ADRA1B: variants seen among roughly 807,000 people sequenced by gnomAD.
ADRA1B encodes alpha-1B adrenergic receptor.
Under a neutral mutation model 17.9 loss-of-function variants are expected in ADRA1B, and 17 were observed. The ratio of observed to expected loss-of-function variants is 0.95; its 90% CI spans 0.65 to 1.42. The LOEUF is 1.42. Among genes scored for constraint, ADRA1B ranks in the 40% most tolerant of loss-of-function variants. ADRA1B has a pLI of 0.00. For synonymous variants in ADRA1B, 366 were observed against 327.6 expected, an observed-to-expected ratio of 1.12 and a Z score of -1.27; for missense variants, 681 against 722.1, an observed-to-expected ratio of 0.94 and a Z score of 0.65.
intron 1 of ADRA1B, among the ~76,000 whole-genome samples, chr5:159,941,954 G>C (rs561043339): frequency 1.5e-5 from 2 of 134,686 alleles, no homozygotes; most frequent in Non-Finnish European, 3.0e-5. Flanking sequence ...ACAGAGTCTC[G>C]CTCTGTCACC....
At chr5:159,867,912 G>A (rs551879572) in intron 1 of ADRA1B, 14 of 152,192 alleles carry the variant, frequency 9.2e-5, no homozygotes, top group South Asian at 2.1e-4. Context: ...GTGGTCTCAC[G>A]TGTTCTGGAT....
At position 159,903,114 on chromosome 5, in the gene ADRA1B, GGCAGGACCTTACCA is replaced by G. The variant is rs547493189; in HGVS notation, c.-255-13004_-255-12991del. Among the ~76,000 whole-genome samples, 362 of 152,266 alleles carry G rather than the reference GGCAGGACCTTACCA, an allele frequency of 2.4e-3. 2 individuals carry two copies. The highest frequency in any genetic ancestry group is 3.4e-3 in the Admixed American group (52 of 15,300). On this transcript the variant is annotated intron_variant, in intron 1 of 2. Transcript: ENST00000641205. Reference sequence around the variant, plus strand: ...GTCCCCACCTCTGCCTCAACAGCCCGGCAGGACCTTACCATTCTCTAGTTTGGAACCAGCATCCT... The same window carrying G: ...GTCCCCACCTCTGCCTCAACAGCCCGTTCTCTAGTTTGGAACCAGCATCCT...
At chr5:159,872,732 A>G (rs1042573705) in intron 1 of ADRA1B, among the ~76,000 whole-genome samples, 5 of 152,136 alleles carry the variant, frequency 3.3e-5, no homozygotes, top group African/African-American at 1.2e-4. Context: ...TGGCTCTGAA[A>G]TCTGCAATAA....
the ADRA1B span, among the ~76,000 whole-genome samples, chr5:159,982,547 G>A: frequency 2.0e-5 from 3 of 152,092 alleles, no homozygotes; most frequent in Non-Finnish European, 2.9e-5. Context: ...GAAAAGTCAA[G>A]GTAATTAGTC....
the ADRA1B span, among the ~76,000 whole-genome samples, chr5:159,983,234 T>A: frequency 2.0e-5 from 3 of 152,064 alleles, no homozygotes; most frequent in East Asian, 5.8e-4. Flanking sequence ...CCCAACCAGA[T>A]CCCTCTGCTG....
chr5:159,909,423 C>T (rs982456804), intron 1 of ADRA1B, among the ~76,000 whole-genome samples: 1 of 152,186 alleles, frequency 6.6e-6, no homozygotes, highest in African/African-American at 2.4e-5. Context: ...AAAAGGTTCC[C>T]ACCACTTCCT....
intron 1 of ADRA1B, among the ~76,000 whole-genome samples, chr5:159,963,810 G>T (rs1755723102): frequency 6.6e-6 from 1 of 152,128 alleles, no homozygotes. Flanking sequence ...ACCTGCTGGG[G>T]CCATGTCCAG....
intron 1 of ADRA1B, among the ~76,000 whole-genome samples, chr5:159,910,955 T>G (rs547435433): frequency 6.6e-6 from 1 of 152,278 alleles, no homozygotes; most frequent in Non-Finnish European, 1.5e-5. Flanking sequence ...CTTTGATGAC[T>G]TTAGGACGTG....
chr5:159,987,079 C>G, the ADRA1B span, among the ~76,000 whole-genome samples: 1 of 152,216 alleles, frequency 6.6e-6, no homozygotes, highest in African/African-American at 2.4e-5. Context: ...CCACACCCTG[C>G]CCCCAGCGGC....
chr5:159,951,591 G>A (rs1323585568), intron 1 of ADRA1B: 5 of 452,400 alleles, frequency 1.1e-5, no homozygotes, highest in Middle Eastern at 6.8e-4. Context: ...AATTTAGCAC[G>A]GTCTGGATGG....
chr5:159,877,153 C>A (rs1581016886), intron 1 of ADRA1B, among the ~76,000 whole-genome samples: 1 of 152,236 alleles, frequency 6.6e-6, no homozygotes, highest in South Asian at 2.1e-4. Context: ...TTGTTGCCTG[C>A]CCCTTTTCGC....
chr5:159,963,957 G>A (rs548272625), intron 1 of ADRA1B, among the ~76,000 whole-genome samples: 4 of 152,176 alleles, frequency 2.6e-5, no homozygotes, highest in South Asian at 4.1e-4. Flanking sequence ...TCTGTTCCTC[G>A]ATTTATCCCT....
intron 1 of ADRA1B, among the ~76,000 whole-genome samples, chr5:159,899,162 G>GAAAGA (rs1162546603): frequency 2.1e-5 from 3 of 141,584 alleles, no homozygotes; most frequent in African/African-American, 7.9e-5. Flanking sequence ...AAGGAAGGAA[G>GAAAGA]AAAGAAAAGA....
chr5:159,878,961 C>T (rs17057226), intron 1 of ADRA1B, among the ~76,000 whole-genome samples: 2,599 of 152,204 alleles, frequency 0.017, 66 homozygotes, highest in African/African-American at 0.06. Context: ...TTTCTGATGT[C>T]GCTCAAAACC....
chr5:159,902,527 A>G (rs1754114287), intron 1 of ADRA1B, among the ~76,000 whole-genome samples: 1 of 152,064 alleles, frequency 6.6e-6, no homozygotes, highest in Admixed American at 6.5e-5. Flanking sequence ...AAATGAGGTG[A>G]AGTTGAACCT....
In ADRA1B at chr5:159,972,129, G is replaced by A. The variant is rs778237365; in HGVS notation, c.1200G>A (p.Ser400=). The change falls in exon 2 of 2, where the codon TCG becomes TCA. Residue 400 remains serine, a synonymous_variant. Transcript: ENST00000306675. ...PWTRGGSLER[S]QSRKDSLDDS... ...CGCGCGGCGGCTCGCTGGAGCGCTC[G>A]CAGTCGCGCAAGGACTCGCTGGACG... 5.0e-5 allele frequency: 66 copies of A among 1,329,342 alleles called. No individual in the cohort carries two copies. Among genetic ancestry groups the A allele is most frequent in the Admixed American group, 9.4e-5 (3 of 32,008 alleles). 82.3% of individuals were successfully genotyped at this position (1,329,342 alleles called of 1,614,324 possible). A position where few individuals can be genotyped will look rare whatever the true frequency, so the allele number is the denominator to read the frequency against.
chr5:159,961,871 C>A (rs538753274), intron 1 of ADRA1B, among the ~76,000 whole-genome samples: 2 of 152,194 alleles, frequency 1.3e-5, no homozygotes, highest in Admixed American at 1.3e-4. Flanking sequence ...TAGGTCCCCA[C>A]GCCACACTGC....
At chr5:159,906,790 G>T (rs79415918) in intron 1 of ADRA1B, among the ~76,000 whole-genome samples, 1 of 152,226 alleles carries the variant, frequency 6.6e-6, no homozygotes, top group Non-Finnish European at 1.5e-5. Flanking sequence ...CGCACCTGGA[G>T]ATGATCCATC....
At chr5:159,981,296 T>C in the ADRA1B span, among the ~76,000 whole-genome samples, 2 of 152,054 alleles carry the variant, frequency 1.3e-5, no homozygotes, top group Non-Finnish European at 2.9e-5. Context: ...CTCTACCTAC[T>C]AGATGCTAGC....
Sources: gnomAD v4.1 joint callset for allele counts (sites outside exome capture counted in the v4.1 genomes callset) on GRCh38, gnomAD v4.1.1 for gene constraint, MANE v1.5 for transcripts, NCBI Gene and HGNC (gene_info 2026-07-23, HGNC 2026-07-21) for gene names.